HCN1: variants seen among roughly 807,000 people sequenced by gnomAD.
HCN1 encodes the protein hyperpolarization activated cyclic nucleotide gated potassium channel 1.
Under a neutral mutation model 78.9 loss-of-function variants are expected in HCN1, and 13 were observed. The observed-to-expected ratio is 0.16, with a 90% confidence interval of 0.11 to 0.26. The LOEUF (loss-of-function observed/expected upper bound fraction) is 0.26. Ranked by LOEUF, HCN1 falls within the 10% of genes least tolerant of loss-of-function variation. The pLI is 1.00. For synonymous variants in HCN1, 552 were observed against 455.5 expected (o/e 1.21, Z -2.70); for missense variants, 810 against 1,154.3 (o/e 0.70, Z 4.32).
At chr5:45,589,927 C>A (rs1195389489) in intron 2 of HCN1, among the ~76,000 whole-genome samples, 2 of 152,156 alleles carry the variant, frequency 1.3e-5, no homozygotes, top group Non-Finnish European at 2.9e-5. Flanking sequence ...TGATACACTG[C>A]AGCTTCCTTA....
At chr5:45,547,997 T>C (rs541561253) in intron 2 of HCN1, among the ~76,000 whole-genome samples, 167 of 152,066 alleles carry the variant, frequency 1.1e-3, no homozygotes, top group Non-Finnish European at 1.7e-3. Context: ...ATACATCATA[T>C]CTTTTCCTTT....
At chr5:45,654,205 C>A (rs987224865) in intron 1 of HCN1, among the ~76,000 whole-genome samples, 3 of 151,984 alleles carry the variant, frequency 2.0e-5, no homozygotes, top group African/African-American at 7.2e-5. Context: ...TTCTGTAAGT[C>A]TATAGCTTTT....
chr5:45,369,748 C>G (rs1476771245), intron 4 of HCN1, among the ~76,000 whole-genome samples: 1 of 152,046 alleles, frequency 6.6e-6, no homozygotes, highest in Non-Finnish European at 1.5e-5. Context: ...CTAAATATCA[C>G]TGCATTGTAG....
chr5:45,658,227 A>G (rs1189645484), intron 1 of HCN1, among the ~76,000 whole-genome samples: 2 of 152,242 alleles, frequency 1.3e-5, no homozygotes, highest in African/African-American at 4.8e-5. Context: ...CACCTTACAC[A>G]AAAATTAATT....
intron 3 of HCN1, among the ~76,000 whole-genome samples, chr5:45,424,416 A>C (rs529346360): frequency 6.6e-6 from 1 of 152,280 alleles, no homozygotes; most frequent in Admixed American, 6.5e-5. Flanking sequence ...ACACCATGAA[A>C]TCAAGTCCTA....
chr5:45,447,140 C>T (rs1740815555), intron 3 of HCN1, among the ~76,000 whole-genome samples: 1 of 152,138 alleles, frequency 6.6e-6, no homozygotes, highest in Non-Finnish European at 1.5e-5. Flanking sequence ...TCAGGAAACC[C>T]ATCTCACGTG....
In HCN1 at chr5:45,598,146, C is replaced by T. The variant is rs1262212995; in HGVS notation, c.849+47039G>A. Reference sequence around the variant, plus strand: ...AAAAAGAACAAAGCTGGAGGCATGACGATACCCGACTTCAAACTATACTAC... The same window carrying T: ...AAAAAGAACAAAGCTGGAGGCATGATGATACCCGACTTCAAACTATACTAC... On this transcript the variant is annotated intron_variant, in intron 2 of 7. Transcript: ENST00000303230. Among the ~76,000 whole-genome samples, 11 of 152,118 alleles carry T rather than the reference C, an allele frequency of 7.2e-5. No homozygotes were observed. In the East Asian group the frequency reaches 1.7e-3, roughly 24 times the overall value.
rs577936839 is a variant in HCN1 at position 45,346,412 on chromosome 5, G to T, written c.1377+6688C>A. 4.6e-5 allele frequency among the ~76,000 whole-genome samples: 7 copies of T among 152,286 alleles called. No individual in the cohort carries two copies. In the East Asian group the frequency reaches 1.2e-3, roughly 25 times the overall value. Reference sequence around the variant, plus strand: ...AGATGGCTGAATAGGAACAGCTCTGGTCTACAGCTCCCAGCGTGAGTGACA... The same window carrying T: ...AGATGGCTGAATAGGAACAGCTCTGTTCTACAGCTCCCAGCGTGAGTGACA... On this transcript the variant is annotated intron_variant, in intron 5 of 7. Transcript: ENST00000303230.
intron 4 of HCN1, among the ~76,000 whole-genome samples, chr5:45,381,417 T>C (rs533906003): frequency 1.3e-5 from 2 of 152,172 alleles, no homozygotes; most frequent in East Asian, 1.9e-4. Flanking sequence ...AATTACAAAC[T>C]ACAAAGCAAT....
chr5:45,535,777 T>A (rs925678521), intron 2 of HCN1, among the ~76,000 whole-genome samples: 2 of 152,176 alleles, frequency 1.3e-5, no homozygotes, highest in South Asian at 4.1e-4. Flanking sequence ...TAGTCTGCAA[T>A]ATGAAAATAT....
intron 2 of HCN1, among the ~76,000 whole-genome samples, chr5:45,617,845 A>G (rs1744983887): frequency 7.6e-6 from 1 of 131,974 alleles, no homozygotes; most frequent in African/African-American, 2.5e-5. Context: ...CTAGGAATAT[A>G]AATTAATTTA....
At chr5:45,301,318 C>T (rs1745614251) in intron 6 of HCN1, among the ~76,000 whole-genome samples, 1 of 150,600 alleles carries the variant, frequency 6.6e-6, no homozygotes, top group Admixed American at 6.6e-5. Context: ...TGGGTTAATA[C>T]TAAAAAATGT....
At chr5:45,577,585 T>G (rs1743973485) in intron 2 of HCN1, among the ~76,000 whole-genome samples, 2 of 152,034 alleles carry the variant, frequency 1.3e-5, no homozygotes, top group Non-Finnish European at 2.9e-5. Context: ...TTACAAAACA[T>G]TTGGCCTCCA....
At chr5:45,487,756 T>C (rs1166665350) in intron 2 of HCN1, among the ~76,000 whole-genome samples, 1 of 152,106 alleles carries the variant, frequency 6.6e-6, no homozygotes, top group Admixed American at 6.6e-5. Flanking sequence ...AAGTAGTATG[T>C]TACACACAAC....
intron 4 of HCN1, among the ~76,000 whole-genome samples, chr5:45,376,263 A>C (rs1433264089): frequency 1.5e-5 from 2 of 134,642 alleles, no homozygotes; most frequent in African/African-American, 5.6e-5. Flanking sequence ...AATATAGAAT[A>C]TATATTCTAT....
rs529788414 is a variant in HCN1 at position 45,308,517 on chromosome 5, C to T, written c.1378-4678G>A. Among the ~76,000 whole-genome samples the T allele has an allele frequency of 6.6e-4, 101 of 152,036 alleles. 1 individual carries two copies. Among genetic ancestry groups the T allele is most frequent in the African/African-American group, 2.1e-3 (88 of 41,442 alleles). On this transcript the variant is annotated intron_variant, in intron 5 of 7. Coordinates refer to ENST00000303230, the MANE Select transcript of HCN1 (RefSeq NM_021072.4). ...AGATCTCCTAGTAAATGCTTGAAAA[C>T]AATTATATCATAGTACAGTCTGGGG... is the stretch of plus-strand genomic sequence containing the variant.
intron 2 of HCN1, among the ~76,000 whole-genome samples, chr5:45,543,834 TTA>T (rs1353659822): frequency 1.3e-5 from 2 of 152,134 alleles, no homozygotes; most frequent in Non-Finnish European, 2.9e-5. Flanking sequence ...TGTGACATAG[TTA>T]GAGATACTGC....
intron 1 of HCN1, among the ~76,000 whole-genome samples, chr5:45,671,558 C>G (rs1342242250): frequency 1.3e-5 from 2 of 151,298 alleles, no homozygotes; most frequent in Non-Finnish European, 3.0e-5. Flanking sequence ...CAATTCAATA[C>G]TTACATTCTG....
intron 4 of HCN1, among the ~76,000 whole-genome samples, chr5:45,395,518 C>A (rs2112039263): frequency 6.6e-6 from 1 of 152,268 alleles, no homozygotes; most frequent in East Asian, 1.9e-4. Context: ...GGTTCCCTTT[C>A]TCATATTGTG....
Sources: gnomAD v4.1 joint callset for allele counts (sites outside exome capture counted in the v4.1 genomes callset) on GRCh38, gnomAD v4.1.1 for gene constraint, MANE v1.5 for transcripts, NCBI Gene and HGNC (gene_info 2026-07-23, HGNC 2026-07-21) for gene names.